Variants in CSMD1 observed in about 807,000 individuals in gnomAD.
CSMD1 encodes CUB and sushi domain-containing protein 1.
CSMD1 carries 213 observed loss-of-function variants against 417.5 expected under a neutral mutation model. The observed-to-expected ratio is 0.51, with a 90% confidence interval of 0.46 to 0.57. The LOEUF is 0.57. CSMD1 is among the 20% of genes least tolerant of loss of function. The pLI, the probability that CSMD1 is intolerant of heterozygous loss-of-function variation, is 0.00. For missense variants in CSMD1, 6,923 were observed against 4,529.7 expected, an observed-to-expected ratio of 1.53 and a Z score of -15.17; for synonymous variants, 2,862 against 1,736.8, an observed-to-expected ratio of 1.65 and a Z score of -16.11.
rs1187967073 is a variant in CSMD1 at position 4,685,757 on chromosome 8, G to A, written c.86-48199C>T. Reference sequence around the variant, plus strand: ...TTTTAAGAAATTACGTTTCAAATCTGTTGGTGAGAAAAAAATATTTATTAG... The same window carrying A: ...TTTTAAGAAATTACGTTTCAAATCTATTGGTGAGAAAAAAATATTTATTAG... On this transcript the variant is annotated intron_variant, in intron 1 of 69. Coordinates refer to ENST00000635120, the MANE Select transcript of CSMD1 (RefSeq NM_033225.6). Among the ~76,000 whole-genome samples, 6 of 152,274 alleles carry A rather than the reference G, an allele frequency of 3.9e-5. No homozygotes were observed. The East Asian group carries it at 9.6e-4, about 24-fold the overall frequency.
chr8:3,100,883 C>G (rs780508692), intron 46 of CSMD1, among the ~76,000 whole-genome samples: 4 of 152,074 alleles, frequency 2.6e-5, no homozygotes, highest in African/African-American at 9.7e-5. Flanking sequence ...CCTCTGTGAA[C>G]TAGGGAAAAG....
At chr8:4,742,002 T>A (rs1228934653) in intron 1 of CSMD1, among the ~76,000 whole-genome samples, 1 of 6,384 alleles carries the variant, frequency 1.6e-4, no homozygotes, top group Non-Finnish European at 3.1e-4. Context: ...CACACCCACT[T>A]TTTTTTTTTT....
chr8:4,308,258 G>T (rs914829783), intron 3 of CSMD1, among the ~76,000 whole-genome samples: 1 of 152,090 alleles, frequency 6.6e-6, no homozygotes, highest in African/African-American at 2.4e-5. Flanking sequence ...TTTTATGTGT[G>T]TGTGTGTCTG....
At chr8:3,380,648 C>A (rs531464683) in intron 18 of CSMD1, among the ~76,000 whole-genome samples, 1 of 152,072 alleles carries the variant, frequency 6.6e-6, no homozygotes, top group African/African-American at 2.4e-5. Flanking sequence ...AATACAAAAC[C>A]AAACACCACA....
intron 1 of CSMD1, among the ~76,000 whole-genome samples, chr8:4,871,417 G>C (rs185765099): frequency 6.6e-6 from 1 of 152,174 alleles, no homozygotes; most frequent in East Asian, 1.9e-4. Context: ...CTAACACCAT[G>C]AGTTCCAGTA....
At position 4,928,857 on chromosome 8, in the gene CSMD1, G is replaced by A. The variant is rs540800729; in HGVS notation, c.85+65475C>T. On this transcript the variant is annotated intron_variant, in intron 1 of 69. Coordinates refer to ENST00000635120, the MANE Select transcript of CSMD1 (RefSeq NM_033225.6). Reference sequence around the variant, plus strand: ...GGCTGAGGTGAGTGGATCACCTGAGGTTGGGAGTTCGAGACCAGCCTGCCA... The same window carrying A: ...GGCTGAGGTGAGTGGATCACCTGAGATTGGGAGTTCGAGACCAGCCTGCCA... Among the ~76,000 whole-genome samples the A allele has an allele frequency of 3.1e-4, 47 of 152,210 alleles. 1 individual carries two copies. Among genetic ancestry groups the A allele is most frequent in the Admixed American group, 2.1e-3 (32 of 15,288 alleles).
intron 1 of CSMD1, among the ~76,000 whole-genome samples, chr8:4,754,633 T>C (rs551230872): frequency 5.9e-5 from 9 of 151,786 alleles, no homozygotes; most frequent in South Asian, 4.2e-4. Flanking sequence ...GGGTGGATCA[T>C]GAGGTCAGGA....
intron 1 of CSMD1, among the ~76,000 whole-genome samples, chr8:4,914,820 G>A (rs999495086): frequency 5.9e-5 from 9 of 152,162 alleles, no homozygotes; most frequent in African/African-American, 2.2e-4. Context: ...TGTGGCAGAG[G>A]CCTGTGGACA....
chr8:3,190,338 G>A (rs184941343), intron 33 of CSMD1, among the ~76,000 whole-genome samples: 1 of 151,910 alleles, frequency 6.6e-6, no homozygotes, highest in Non-Finnish European at 1.5e-5. Flanking sequence ...TATAGAGAAT[G>A]ATTTGAGGAG....
intron 7 of CSMD1, among the ~76,000 whole-genome samples, chr8:3,703,755 C>T (rs4461924): frequency 0.49 from 75,197 of 151,918 alleles, 18,749 homozygotes; most frequent in Admixed American, 0.58. Context: ...AAATCTATGG[C>T]CAGCTATTAC....
intron 1 of CSMD1, among the ~76,000 whole-genome samples, chr8:4,936,758 G>A (rs1229372174): frequency 1.3e-5 from 2 of 152,142 alleles, no homozygotes; most frequent in African/African-American, 2.4e-5. Flanking sequence ...TATTGGAATT[G>A]TCTATATGTG....
At chr8:4,801,632 G>A (rs1332319681) in intron 1 of CSMD1, among the ~76,000 whole-genome samples, 7 of 152,040 alleles carry the variant, frequency 4.6e-5, no homozygotes, top group Admixed American at 3.3e-4. Context: ...TCTGGATTCT[G>A]AAACCATCTT....
intron 10 of CSMD1, among the ~76,000 whole-genome samples, chr8:3,518,207 T>G (rs960420176): frequency 6.6e-6 from 1 of 152,216 alleles, no homozygotes; most frequent in Admixed American, 6.5e-5. Context: ...AATGATTACT[T>G]ATTTTTTAAT....
chr8:4,987,155 G>T (rs955132619), intron 1 of CSMD1, among the ~76,000 whole-genome samples: 4 of 152,068 alleles, frequency 2.6e-5, no homozygotes, highest in Admixed American at 2.6e-4. Flanking sequence ...ACCTGGGATG[G>T]GCGTGGGTAG....
chr8:4,158,582 C>T (rs929111852), intron 3 of CSMD1, among the ~76,000 whole-genome samples: 2 of 152,146 alleles, frequency 1.3e-5, no homozygotes, highest in East Asian at 1.9e-4. Context: ...GAACAGTCCT[C>T]GTTCCCCTCC....
At chr8:3,632,385 T>C (rs1038953136) in intron 7 of CSMD1, among the ~76,000 whole-genome samples, 7 of 152,056 alleles carry the variant, frequency 4.6e-5, no homozygotes, top group Non-Finnish European at 1.0e-4. Context: ...ACTTATTGAA[T>C]CAAAATTAAA....
intron 2 of CSMD1, among the ~76,000 whole-genome samples, chr8:4,614,501 A>C (rs2130798992): frequency 6.6e-6 from 1 of 152,268 alleles, no homozygotes; most frequent in Admixed American, 6.5e-5. Context: ...CTTTATTTTT[A>C]AGATTCATAT....
At chr8:3,330,737 A>C (rs1806839139) in intron 23 of CSMD1, among the ~76,000 whole-genome samples, 1 of 152,218 alleles carries the variant, frequency 6.6e-6, no homozygotes, top group Admixed American at 6.5e-5. Context: ...CCTGTGCCCC[A>C]AACCTAAAAC....
intron 12 of CSMD1, among the ~76,000 whole-genome samples, chr8:3,411,426 T>C (rs976727336): frequency 2.0e-5 from 3 of 151,848 alleles, no homozygotes; most frequent in Admixed American, 1.3e-4. Flanking sequence ...CATTTTGTAG[T>C]CTTCTATTCC....
Sources: gnomAD v4.1 joint callset for allele counts (sites outside exome capture counted in the v4.1 genomes callset) on GRCh38, gnomAD v4.1.1 for gene constraint, MANE v1.5 for transcripts, NCBI Gene and HGNC (gene_info 2026-07-23, HGNC 2026-07-21) for gene names.